The following SH3RF2 variants were observed in gnomAD, a reference collection of about 807,000 sequenced individuals.
SH3RF2 encodes E3 ubiquitin-protein ligase SH3RF2.
A neutral mutation model predicts 59.0 loss-of-function variants in SH3RF2; 43 were observed. The ratio of observed to expected loss-of-function variants is 0.73; its 90% CI spans 0.57 to 0.94. The LOEUF (loss-of-function observed/expected upper bound fraction) is 0.94, where lower values mean the gene tolerates loss of function less well. SH3RF2 is among the 40% of genes least tolerant of loss of function. The pLI is 0.00. For missense variants in SH3RF2, 930 were observed against 940.1 expected (o/e 0.99, Z 0.14); for synonymous variants, 391 against 391.5 (o/e 1.00, Z 0.01).
At chr5:146,054,234 T>G (rs765750165) in intron 7 of SH3RF2, among the ~76,000 whole-genome samples, 2 of 152,074 alleles carry the variant, frequency 1.3e-5, no homozygotes, top group African/African-American at 2.4e-5. Context: ...GATTTAGAAG[T>G]TCCTGGAATC....
chr5:145,958,525 C>T (rs905794326), intron 2 of SH3RF2, among the ~76,000 whole-genome samples: 3 of 152,160 alleles, frequency 2.0e-5, no homozygotes, highest in African/African-American at 7.2e-5. Flanking sequence ...CCAAGTTTAT[C>T]ACAGGTTTTC....
intron 2 of SH3RF2, among the ~76,000 whole-genome samples, chr5:145,999,436 T>C (rs898122336): frequency 6.6e-5 from 10 of 152,254 alleles, no homozygotes; most frequent in African/African-American, 2.4e-4. Flanking sequence ...CTTGACTGTT[T>C]GTCACAAGAG....
At chr5:145,946,592 A>G (rs550749495) in intron 2 of SH3RF2, among the ~76,000 whole-genome samples, 2 of 152,216 alleles carry the variant, frequency 1.3e-5, no homozygotes, top group African/African-American at 4.8e-5. Context: ...CTTATTAAAT[A>G]CCTTTTTGGG....
At chr5:146,066,664 G>A (rs1033835112), downstream of SH3RF2, among the ~76,000 whole-genome samples, 3 of 152,086 alleles carry the variant, frequency 2.0e-5, no homozygotes, top group African/African-American at 4.8e-5. Context: ...AAAGTGGTGG[G>A]AAAAAGGGTA....
Position 146,060,176 on chromosome 5 carries a change from A to T in SH3RF2, c.1866A>T (p.Pro622=). Residue 622 remains proline, a synonymous_variant, in exon 9 of 10, where the codon CCA becomes CCT. Transcript: ENST00000359120. ...TGCCAAAACCGCCCGCATCTGCCCC[A>T]CCATCCATCCTGGTGAAACCAGAAA... is the stretch of plus-strand genomic sequence containing the variant. ...EPLPKPPASA[P]PSILVKPENS... is the part of the protein sequence containing the mutation. 6.2e-7 allele frequency: 1 copy of T among 1,613,582 alleles called. No homozygotes were observed. The highest frequency in any genetic ancestry group is 1.3e-5 in the African/African-American group (1 of 75,020).
chr5:145,949,197 G>A (rs1758102515), intron 2 of SH3RF2, among the ~76,000 whole-genome samples: 1 of 152,152 alleles, frequency 6.6e-6, no homozygotes. Context: ...GTAATTGGGA[G>A]GTGAAAAAAG....
intron 5 of SH3RF2, among the ~76,000 whole-genome samples, chr5:146,030,073 T>C (rs1250370233): frequency 6.6e-6 from 1 of 152,142 alleles, no homozygotes; most frequent in East Asian, 1.9e-4. Context: ...TCACGCTGAG[T>C]ATAGGGCAAC....
chr5:145,997,985 T>C (rs1561731759), intron 2 of SH3RF2: 1 of 754,210 alleles, frequency 1.3e-6, no homozygotes, highest in East Asian at 2.5e-5. Context: ...ACCCAGAACA[T>C]ATAGACAAGT....
chr5:146,070,173 T>TTGGTCTA (rs1763202518), intron 9 of SH3RF2, among the ~76,000 whole-genome samples: 2 of 152,192 alleles, frequency 1.3e-5, no homozygotes, highest in African/African-American at 2.4e-5. Context: ...TCAAATGACC[T>TTGGTCTA]GTCCAAGGCA....
At chr5:145,994,977 C>G (rs1037331837) in intron 2 of SH3RF2, among the ~76,000 whole-genome samples, 1 of 147,810 alleles carries the variant, frequency 6.8e-6, no homozygotes, top group African/African-American at 2.5e-5. Context: ...CCCTTTCTTT[C>G]CTTTTCTCTT....
chr5:145,994,400 C>A (rs1339362850), intron 2 of SH3RF2, among the ~76,000 whole-genome samples: 1 of 152,076 alleles, frequency 6.6e-6, no homozygotes, highest in Non-Finnish European at 1.5e-5. Flanking sequence ...CTACTTGTAC[C>A]AATTTATTGT....
intron 2 of SH3RF2, among the ~76,000 whole-genome samples, chr5:145,962,415 C>A (rs1240922344): frequency 6.6e-6 from 1 of 152,220 alleles, no homozygotes; most frequent in Non-Finnish European, 1.5e-5. Context: ...ATTCAAAGTA[C>A]TTCCCAATGC....
At chr5:146,055,342 G>A (rs1431160445) in intron 7 of SH3RF2, among the ~76,000 whole-genome samples, 1 of 152,128 alleles carries the variant, frequency 6.6e-6, no homozygotes, top group Non-Finnish European at 1.5e-5. Context: ...TAAAATAGTG[G>A]CACTAAGAGT....
chr5:145,949,547 C>A (rs1758115548), intron 2 of SH3RF2, among the ~76,000 whole-genome samples: 1 of 152,188 alleles, frequency 6.6e-6, no homozygotes, highest in Non-Finnish European at 1.5e-5. Context: ...AACTTCCCTT[C>A]CCAGCTCTCT....
intron 2 of SH3RF2, among the ~76,000 whole-genome samples, chr5:145,972,399 A>G (rs945880135): frequency 3.3e-5 from 5 of 152,160 alleles, no homozygotes; most frequent in Non-Finnish European, 5.9e-5. Context: ...GCAGAAGCAA[A>G]GGCATTTGAA....
chr5:145,999,820 T>C (rs1760323961), intron 2 of SH3RF2, among the ~76,000 whole-genome samples: 1 of 151,886 alleles, frequency 6.6e-6, no homozygotes, highest in African/African-American at 2.4e-5. Flanking sequence ...TTTAAAATAT[T>C]TAAAGTTAAT....
chr5:146,075,778 TAAAAA>T (rs56300547), intron 9 of SH3RF2, among the ~76,000 whole-genome samples: 10,202 of 76,108 alleles, frequency 0.13, 461 homozygotes, highest in Non-Finnish European at 0.16. Context: ...AAATTCCATG[TAAAAA>T]AAAAAAAAAA....
intron 4 of SH3RF2, among the ~76,000 whole-genome samples, chr5:146,008,765 C>T (rs554198296): frequency 1.6e-4 from 25 of 152,338 alleles, no homozygotes; most frequent in African/African-American, 3.1e-4. Context: ...TGAAATTTCT[C>T]ATGCTTCCCC....
chr5:145,991,464 C>T (rs758931294), intron 2 of SH3RF2, among the ~76,000 whole-genome samples: 1 of 152,150 alleles, frequency 6.6e-6, no homozygotes, highest in Non-Finnish European at 1.5e-5. Context: ...TCCCCTTGCT[C>T]CACTGCTTCC....
Sources: gnomAD v4.1 joint callset for allele counts (sites outside exome capture counted in the v4.1 genomes callset) on GRCh38, gnomAD v4.1.1 for gene constraint, MANE v1.5 for transcripts, NCBI Gene and HGNC (gene_info 2026-07-23, HGNC 2026-07-21) for gene names.